Variants in MECR observed in about 807,000 individuals in gnomAD.
MECR encodes the protein enoyl-[acyl-carrier-protein] reductase, mitochondrial.
In MECR, 37 loss-of-function variants were observed where a neutral mutation model predicts 49.1. That is an observed-to-expected ratio of 0.75 (90% confidence interval 0.58 to 0.99). The LOEUF is 0.99. Ranked by LOEUF, MECR falls within the 50% of genes least tolerant of loss-of-function variation. The probability of loss-of-function intolerance (pLI) is 0.00; values close to 1 mark genes in which losing one functional copy is unlikely to be tolerated. For synonymous variants in MECR, 198 were observed against 191.1 expected, an observed-to-expected ratio of 1.04 and a Z score of -0.30; for missense variants, 470 against 479.6, an observed-to-expected ratio of 0.98 and a Z score of 0.19.
intron 3 of MECR, among the ~76,000 whole-genome samples, chr1:29,209,639 C>T (rs928269048): frequency 5.3e-5 from 8 of 151,978 alleles, no homozygotes; most frequent in Admixed American, 4.6e-4. Flanking sequence ...GTGAGGACTG[C>T]GTGAGGGGTC....
chr1:29,207,768 C>G (rs893628710), intron 3 of MECR, among the ~76,000 whole-genome samples: 1 of 151,878 alleles, frequency 6.6e-6, no homozygotes, highest in Admixed American at 6.6e-5. Context: ...AAAAACAAAC[C>G]AAAACAAAAT....
chr1:29,187,954 G>A (rs1319539164), downstream of MECR, among the ~76,000 whole-genome samples: 10 of 137,008 alleles, frequency 7.3e-5, no homozygotes, highest in Non-Finnish European at 1.2e-4. Context: ...GGAGAATGGC[G>A]TGAACCCAGG....
chr1:29,214,363 ATT>A (rs761319776), intron 3 of MECR, among the ~76,000 whole-genome samples: 27 of 84,450 alleles, frequency 3.2e-4, no homozygotes, highest in Admixed American at 6.2e-4. Context: ...GCCTGGCCTT[ATT>A]TTTTTTTTTT....
At chr1:29,170,315 G>C in the MECR span, 1 of 152,146 alleles carries the variant, frequency 6.6e-6, no homozygotes, top group Non-Finnish European at 1.5e-5. Flanking sequence ...ATTTAATATA[G>C]AATTACTTTA....
chr1:29,218,409 T>C (rs1679986861), intron 1 of MECR, among the ~76,000 whole-genome samples: 1 of 152,206 alleles, frequency 6.6e-6, no homozygotes. Context: ...TATTAAGTAG[T>C]AATTCATTTT....
At chr1:29,178,898 G>T in the MECR span, among the ~76,000 whole-genome samples, 1 of 152,162 alleles carries the variant, frequency 6.6e-6, no homozygotes, top group Admixed American at 6.5e-5. Flanking sequence ...ATTCCTCAAT[G>T]ATGCCAGGAG....
At chr1:29,168,012 C>T in the MECR span, among the ~76,000 whole-genome samples, 1 of 133,308 alleles carries the variant, frequency 7.5e-6, no homozygotes, top group Admixed American at 7.7e-5. Flanking sequence ...GTTCTAATTC[C>T]TTTTTTTTTT....
chr1:29,215,891 A>AT, intron 3 of MECR, 114 bp downstream of exon 3: 1 of 1,279,698 alleles, frequency 7.8e-7, no homozygotes, highest in South Asian at 1.5e-5. Flanking sequence ...AAATAAATAA[A>AT]AAAAATAAAC....
chr1:29,181,740 A>G, the MECR span: 1 of 1,583,038 alleles, frequency 6.3e-7, no homozygotes, highest in Non-Finnish European at 8.6e-7. Context: ...CGGCCGATGT[A>G]CACCCGCGGC....
In MECR at chr1:29,230,790, C is replaced by T. The variant is rs752421465; in HGVS notation, c.117G>A (p.Glu39=). ...PAASSYSASA[E]PARVRALVYG... ...AGACAAGCGCCCGGACCCGGGCAGG[C>T]TCGGCGGATGCGGAGTAGGAGGAGG... The change falls in exon 1 of 10, where the codon GAG becomes GAA. Residue 39 remains glutamate, a synonymous_variant. Coordinates refer to ENST00000263702, the MANE Select transcript of MECR (RefSeq NM_016011.5). 6.2e-7 allele frequency: 1 copy of T among 1,605,190 alleles called. No homozygotes were observed. Among genetic ancestry groups the T allele is most frequent in the Admixed American group, 1.7e-5 (1 of 58,228 alleles).
chr1:29,191,255 C>T (rs1315075476), downstream of MECR, among the ~76,000 whole-genome samples: 2 of 152,164 alleles, frequency 1.3e-5, no homozygotes, highest in East Asian at 3.9e-4. Flanking sequence ...CACCAGGACT[C>T]AGGCTCACCA....
intron 3 of MECR, among the ~76,000 whole-genome samples, chr1:29,207,856 G>A (rs1447061314): frequency 6.6e-6 from 1 of 152,174 alleles, no homozygotes; most frequent in East Asian, 1.9e-4. Context: ...ATGTCACCGT[G>A]CAGGTAGTTA....
At chr1:29,168,564 G>A in the MECR span, 14 of 152,256 alleles carry the variant, frequency 9.2e-5, no homozygotes, top group African/African-American at 3.1e-4. Context: ...ACTTTCACTC[G>A]TCTTTTGGTT....
chr1:29,207,717 G>GT (rs1439348676), intron 3 of MECR, among the ~76,000 whole-genome samples: 1 of 152,096 alleles, frequency 6.6e-6, no homozygotes, highest in African/African-American at 2.4e-5. Flanking sequence ...TCCAGCCTCG[G>GT]TGACACAGCA....
At chr1:29,199,395 T>C (rs1475310841) in intron 7 of MECR, among the ~76,000 whole-genome samples, 1 of 149,040 alleles carries the variant, frequency 6.7e-6, no homozygotes, top group Non-Finnish European at 1.5e-5. Flanking sequence ...ACCTGGCTAA[T>C]TTTTTGTATT....
intron 4 of MECR, 113 bp downstream of exon 4, chr1:29,206,649 C>T: frequency 8.2e-7 from 1 of 1,219,938 alleles, no homozygotes; most frequent in Non-Finnish European, 1.2e-6. Context: ...GTGAGAGGTC[C>T]ATCACCCCCT....
At chr1:29,210,142 C>G (rs1677618433) in intron 3 of MECR, among the ~76,000 whole-genome samples, 1 of 152,054 alleles carries the variant, frequency 6.6e-6, no homozygotes, top group South Asian at 2.1e-4. Context: ...TCCCAAGTAG[C>G]TGGGACTACA....
At chr1:29,211,598 G>A (rs913362144) in intron 3 of MECR, among the ~76,000 whole-genome samples, 1 of 152,226 alleles carries the variant, frequency 6.6e-6, no homozygotes, top group Non-Finnish European at 1.5e-5. Context: ...GAGTACTGCT[G>A]AGACATGCTA....
the MECR span, among the ~76,000 whole-genome samples, chr1:29,183,362 T>A: frequency 6.6e-5 from 10 of 152,366 alleles, no homozygotes; most frequent in African/African-American, 2.4e-4. Flanking sequence ...GTTATTACAC[T>A]GCTGCAGTAA....
Sources: allele counts gnomAD v4.1 joint callset (sites outside exome capture counted in the v4.1 genomes callset), GRCh38; gene constraint gnomAD v4.1.1; transcripts MANE v1.5; gene names NCBI Gene and HGNC (gene_info 2026-07-23, HGNC 2026-07-21).